The following SLC25A21 variants were observed in gnomAD, a reference collection of about 807,000 sequenced individuals.
SLC25A21 encodes mitochondrial 2-oxodicarboxylate carrier.
In SLC25A21, 47 loss-of-function variants were observed where a neutral mutation model predicts 43.8. The ratio of observed to expected loss-of-function variants is 1.07; its 90% CI spans 0.85 to 1.37. The LOEUF is 1.37. SLC25A21 is among the 40% of genes most tolerant of loss of function. The probability of loss-of-function intolerance (pLI) is 0.00; values close to 1 mark genes in which losing one functional copy is unlikely to be tolerated. For synonymous variants in SLC25A21, 131 were observed against 121.3 expected, an observed-to-expected ratio of 1.08 and a Z score of -0.52; for missense variants, 352 against 350.2, an observed-to-expected ratio of 1.00 and a Z score of -0.04.
chr14:36,957,780 T>C lies in SLC25A21; in HGVS notation c.71-82776A>G, dbSNP rs549468199. 1.1e-3 allele frequency among the ~76,000 whole-genome samples: 169 copies of C among 152,374 alleles called. 1 individual carries two copies. Among genetic ancestry groups the C allele is most frequent in the African/African-American group, 4.0e-3 (165 of 41,588 alleles). On this transcript the variant is annotated intron_variant, in intron 1 of 9. Coordinates refer to ENST00000331299, the MANE Select transcript of SLC25A21 (RefSeq NM_030631.4). ...ATTTCCCTTTCAATGTAACTCACTA[T>C]GTCCACTTAATAATTAGCATTAGAA...
chr14:37,124,690 C>T (rs1269610779), intron 1 of SLC25A21, among the ~76,000 whole-genome samples: 6 of 152,138 alleles, frequency 3.9e-5, no homozygotes, highest in African/African-American at 1.4e-4. Context: ...TCTGTGTCCC[C>T]GCCCAAATTT....
intron 3 of SLC25A21, among the ~76,000 whole-genome samples, chr14:36,737,321 G>C (rs1885082393): frequency 6.6e-6 from 1 of 152,160 alleles, no homozygotes; most frequent in African/African-American, 2.4e-5. Flanking sequence ...AGAGGCAGCT[G>C]GGAGAAGCAT....
At chr14:37,060,158 G>A (rs1232251826) in intron 1 of SLC25A21, among the ~76,000 whole-genome samples, 2 of 151,666 alleles carry the variant, frequency 1.3e-5, no homozygotes, top group Non-Finnish European at 2.9e-5. Flanking sequence ...GGTAATGCAG[G>A]GTCCTGATGA....
chr14:37,132,494 T>C (rs1221813470), intron 1 of SLC25A21, among the ~76,000 whole-genome samples: 5 of 152,122 alleles, frequency 3.3e-5, no homozygotes, highest in African/African-American at 7.2e-5. Context: ...TGAGGTAAAA[T>C]AGAAAGACTT....
At chr14:37,033,145 C>T (rs1032204403) in intron 1 of SLC25A21, among the ~76,000 whole-genome samples, 4 of 152,086 alleles carry the variant, frequency 2.6e-5, no homozygotes, top group Non-Finnish European at 5.9e-5. Context: ...TACTCCAGCC[C>T]CTGGCAACCA....
chr14:36,681,346 A>G (rs1162887920), intron 9 of SLC25A21, among the ~76,000 whole-genome samples: 2 of 152,196 alleles, frequency 1.3e-5, no homozygotes, highest in African/African-American at 4.8e-5. Flanking sequence ...TGGGGGTTGG[A>G]TGGCATGAGA....
intron 1 of SLC25A21, among the ~76,000 whole-genome samples, chr14:37,105,827 T>A (rs1440510037): frequency 2.6e-5 from 4 of 152,196 alleles, no homozygotes; most frequent in Non-Finnish European, 2.9e-5. Context: ...ATAGCCAAAA[T>A]GCTTCCAAGA....
chr14:37,069,919 C>T (rs1305067328), intron 1 of SLC25A21, among the ~76,000 whole-genome samples: 1 of 152,142 alleles, frequency 6.6e-6, no homozygotes, highest in Non-Finnish European at 1.5e-5. Flanking sequence ...GCTATATGAT[C>T]CCTAATTCTG....
rs545894816 is a variant in SLC25A21, at chr14:36,906,492, T to C, written c.71-31488A>G. ...AGCAACAGGTCTAGATTCTGGGAAG[T>C]TGTTTAATTTCTTTCCTTCCTTTTT... On this transcript the variant is annotated intron_variant, in intron 1 of 9. Coordinates refer to ENST00000331299, the MANE Select transcript of SLC25A21 (RefSeq NM_030631.4). Among the ~76,000 whole-genome samples, 23 of 151,678 alleles carry C rather than the reference T, an allele frequency of 1.5e-4. No individual in the cohort carries two copies. In the South Asian group the frequency reaches 4.6e-3, roughly 30 times the overall value.
chr14:37,016,599 A>C (rs540497790), intron 1 of SLC25A21, among the ~76,000 whole-genome samples: 11 of 152,122 alleles, frequency 7.2e-5, no homozygotes, highest in African/African-American at 2.4e-4. Context: ...ACTGGCCTCA[A>C]CTCACCAATT....
chr14:36,998,474 A>T (rs751226076), intron 1 of SLC25A21, among the ~76,000 whole-genome samples: 4 of 152,180 alleles, frequency 2.6e-5, no homozygotes, highest in Non-Finnish European at 4.4e-5. Flanking sequence ...TCCACTTGGA[A>T]CAGCTTGCCA....
chr14:36,688,512 T>C (rs1463100490), intron 7 of SLC25A21, among the ~76,000 whole-genome samples: 1 of 152,198 alleles, frequency 6.6e-6, no homozygotes, highest in Non-Finnish European at 1.5e-5. Flanking sequence ...CAGACCCCTG[T>C]TACCCCTGTG....
At chr14:36,815,877 C>T (rs966721962) in intron 2 of SLC25A21, among the ~76,000 whole-genome samples, 7 of 152,148 alleles carry the variant, frequency 4.6e-5, no homozygotes, top group African/African-American at 1.7e-4. Flanking sequence ...ATTCCCTCCA[C>T]AATTTTACCT....
intron 1 of SLC25A21, among the ~76,000 whole-genome samples, chr14:36,909,364 G>A (rs848699): frequency 0.48 from 72,391 of 151,952 alleles, 18,978 homozygotes; most frequent in East Asian, 0.99. Context: ...ACCCCAAGGA[G>A]CACCAATTCC....
chr14:37,103,777 C>G (rs150060428), intron 1 of SLC25A21, among the ~76,000 whole-genome samples: 17 of 152,308 alleles, frequency 1.1e-4, no homozygotes, highest in African/African-American at 4.1e-4. Flanking sequence ...TGGCACACAA[C>G]AGACAGACAA....
chr14:37,101,158 C>G (rs1212852361), intron 1 of SLC25A21, among the ~76,000 whole-genome samples: 1 of 152,150 alleles, frequency 6.6e-6, no homozygotes, highest in Admixed American at 6.5e-5. Context: ...AATTTTTATA[C>G]AAAACACAAT....
intron 1 of SLC25A21, among the ~76,000 whole-genome samples, chr14:36,948,598 G>T (rs1892730184): frequency 6.6e-6 from 1 of 152,112 alleles, no homozygotes; most frequent in Admixed American, 6.6e-5. Flanking sequence ...TTACTCCACA[G>T]TATCAAATTG....
At chr14:37,108,101 T>C (rs1200340570) in intron 1 of SLC25A21, among the ~76,000 whole-genome samples, 6 of 152,206 alleles carry the variant, frequency 3.9e-5, no homozygotes, top group Admixed American at 6.5e-5. Flanking sequence ...GAAATGCTAA[T>C]GTTTGTTCTC....
intron 1 of SLC25A21, among the ~76,000 whole-genome samples, chr14:36,983,710 C>A (rs959830628): frequency 2.0e-5 from 3 of 152,112 alleles, no homozygotes; most frequent in Non-Finnish European, 4.4e-5. Context: ...CCACTATTCA[C>A]AATACCAAAG....
Sources: gnomAD v4.1 joint callset for allele counts (sites outside exome capture counted in the v4.1 genomes callset) on GRCh38, gnomAD v4.1.1 for gene constraint, MANE v1.5 for transcripts, NCBI Gene and HGNC (gene_info 2026-07-23, HGNC 2026-07-21) for gene names.